TTC27: variants seen among roughly 807,000 people sequenced by gnomAD.
TTC27 encodes tetratricopeptide repeat protein 27.
A neutral mutation model predicts 115.9 loss-of-function variants in TTC27; 79 were observed. That is an observed-to-expected ratio of 0.68 (90% CI 0.57 to 0.82). The LOEUF is 0.82. Among genes scored for constraint, TTC27 ranks in the 40% least tolerant of loss-of-function variants. The pLI is 0.00. For missense variants in TTC27, 1,054 were observed against 993.1 expected (o/e 1.06, Z -0.82); for synonymous variants, 401 against 356.0 (o/e 1.13, Z -1.42).
At position 32,777,889 on chromosome 2, in the gene TTC27, T is replaced by G; in HGVS notation, c.1688T>G (p.Val563Gly). ...GACTTTTGGTCTTTGCAGCTCGGGG[T>G]GTGGTTTTCTCTCGGTTGTGCCTAT... Reference protein sequence around the residue: ...SVKINPMQLGVWFSLGCAYLA... With the variant: ...SVKINPMQLGGWFSLGCAYLA... Residue 563 changes from valine (V) to glycine (G), a missense_variant, in exon 14 of 20, where the codon GTG becomes GGG. Physicochemically the swap from Val to Gly is moderately radical, Grantham distance 109 (BLOSUM62 -3). Transcript: ENST00000317907. The G allele has an allele frequency of 6.2e-7, 1 of 1,614,068 alleles. No homozygotes were observed. The highest frequency in any genetic ancestry group is 1.1e-5 in the South Asian group (1 of 91,068).
At chr2:32,649,987 A>C in intron 4 of TTC27, 144 bp from the exon 5 acceptor site, 1 of 629,104 alleles carries the variant, frequency 1.6e-6, no homozygotes, top group African/African-American at 1.8e-5. Context: ...TGGTATTATT[A>C]CTGAAGAGAG....
chr2:32,703,287 T>G (rs1447173132), intron 10 of TTC27, among the ~76,000 whole-genome samples: 1 of 152,096 alleles, frequency 6.6e-6, no homozygotes, highest in Non-Finnish European at 1.5e-5. Flanking sequence ...GCCAACATGG[T>G]GAAACCCCGT....
At chr2:32,705,865 C>T (rs1174476942) in intron 10 of TTC27, among the ~76,000 whole-genome samples, 1 of 152,108 alleles carries the variant, frequency 6.6e-6, no homozygotes, top group African/African-American at 2.4e-5. Context: ...GATGTATCTT[C>T]TCTGCATAAG....
At chr2:32,810,601 AC>A (rs1196099555) in intron 16 of TTC27, among the ~76,000 whole-genome samples, 1 of 152,172 alleles carries the variant, frequency 6.6e-6, no homozygotes, top group Non-Finnish European at 1.5e-5. Context: ...TATTGGTGTA[AC>A]CTGTCTGGTA....
At chr2:32,638,305 A>T (rs916648993) in intron 3 of TTC27, among the ~76,000 whole-genome samples, 1 of 152,124 alleles carries the variant, frequency 6.6e-6, no homozygotes, top group Non-Finnish European at 1.5e-5. Flanking sequence ...TTATTCCTCT[A>T]TTACACTCTT....
rs369932938 is a variant in TTC27 at position 32,777,994 on chromosome 2, A to C, written c.1779+14A>C. Reference sequence around the variant, plus strand: ...CTAGAACCCGATGTAAGTTTGTTTGATCTTCTGTCCTTACGTGGCTCTTTA... The same window carrying C: ...CTAGAACCCGATGTAAGTTTGTTTGCTCTTCTGTCCTTACGTGGCTCTTTA... On this transcript the variant is annotated intron_variant, in intron 14 of 19. Transcript: ENST00000317907. 35 of 1,613,060 alleles carry C rather than the reference A, an allele frequency of 2.2e-5. No homozygotes were observed. Among genetic ancestry groups the C allele is most frequent in the African/African-American group, 5.3e-5 (4 of 74,828 alleles).
rs2151915492 is a variant in TTC27, at chr2:32,734,073, C to G, written c.1329+150C>G. The G allele has an allele frequency of 1.0e-5, 5 of 491,946 alleles. No homozygotes were observed. In the South Asian group the frequency reaches 2.1e-4, roughly 20 times the overall value. The allele number at this position is 491,946 out of a possible 1,614,324, so 30.5% of individuals were successfully genotyped here. On this transcript the variant is annotated intron_variant, in intron 11 of 19. Coordinates refer to ENST00000317907, the MANE Select transcript of TTC27 (RefSeq NM_017735.5). ...TCTGCCTGGGAATTGCTAACTACTTCAAATTGCTATTTTGATTAAAGTGAT... is the reference window on the plus strand; with the variant it reads ...TCTGCCTGGGAATTGCTAACTACTTGAAATTGCTATTTTGATTAAAGTGAT...
chr2:32,716,385 T>C (rs1164466752), intron 10 of TTC27, among the ~76,000 whole-genome samples: 1 of 152,222 alleles, frequency 6.6e-6, no homozygotes, highest in Non-Finnish European at 1.5e-5. Context: ...AAAAAATTAG[T>C]TCACTCAGGA....
chr2:32,758,962 G>T (rs781118722), intron 13 of TTC27, among the ~76,000 whole-genome samples: 1 of 151,996 alleles, frequency 6.6e-6, no homozygotes, highest in African/African-American at 2.4e-5. Flanking sequence ...TAAGAAAAAC[G>T]TGTATTTATA....
At chr2:32,653,660 T>G (rs944198600) in intron 5 of TTC27, among the ~76,000 whole-genome samples, 3 of 152,114 alleles carry the variant, frequency 2.0e-5, no homozygotes, top group African/African-American at 7.2e-5. Flanking sequence ...CGTTGATTTC[T>G]TTTCATAAAT....
intron 9 of TTC27, among the ~76,000 whole-genome samples, chr2:32,688,391 C>T (rs543876804): frequency 6.6e-6 from 1 of 152,072 alleles, no homozygotes; most frequent in Non-Finnish European, 1.5e-5. Context: ...GGACACTAAG[C>T]GCATGAACCA....
chr2:32,798,944 C>T (rs1670824333), intron 16 of TTC27, among the ~76,000 whole-genome samples: 1 of 152,152 alleles, frequency 6.6e-6, no homozygotes, highest in African/African-American at 2.4e-5. Context: ...TACTTACATT[C>T]ATAGCAGCAT....
At chr2:32,671,491 T>C (rs1328193996) in intron 7 of TTC27, among the ~76,000 whole-genome samples, 1 of 152,208 alleles carries the variant, frequency 6.6e-6, no homozygotes, top group Non-Finnish European at 1.5e-5. Flanking sequence ...TAGGTAGCTA[T>C]ATTGAAAATC....
chr2:32,702,293 G>A (rs62133869), intron 9 of TTC27, among the ~76,000 whole-genome samples: 1,664 of 151,876 alleles, frequency 0.011, 17 homozygotes, highest in Non-Finnish European at 0.017. Flanking sequence ...AATGATCACC[G>A]AGACAATATC....
chr2:32,683,406 G>C (rs539930766), intron 9 of TTC27, among the ~76,000 whole-genome samples: 15 of 152,326 alleles, frequency 9.8e-5, no homozygotes, highest in African/African-American at 3.6e-4. Context: ...TCTTGGTCCT[G>C]AATTTTGTTC....
At chr2:32,740,439 T>C (rs1668591164) in intron 12 of TTC27, among the ~76,000 whole-genome samples, 1 of 111,546 alleles carries the variant, frequency 9.0e-6, no homozygotes, top group South Asian at 3.7e-4. Flanking sequence ...GGTTTGGATT[T>C]CCTGTTTTGG....
chr2:32,736,769 T>A lies in TTC27; in HGVS notation c.1405T>A (p.Trp469Arg). 6.2e-7 allele frequency: 1 copy of A among 1,614,048 alleles called. No homozygotes were observed. Among genetic ancestry groups the A allele is most frequent in the South Asian group, 1.1e-5 (1 of 91,070 alleles). Residue 469 changes from tryptophan (W) to arginine (R), a missense_variant, in exon 12 of 20, where the codon TGG (tryptophan) becomes AGG (arginine). Physicochemically the swap from Trp to Arg is moderately radical, Grantham distance 101 (BLOSUM62 -3). Coordinates refer to ENST00000317907, the MANE Select transcript of TTC27 (RefSeq NM_017735.5). ...ALQIFEKLEM[W>R]EDVVICYERA... ...TCAGATATTTGAAAAGCTAGAAATG[T>A]GGGAAGATGTTGTCATTTGTTATGA...
In TTC27 at chr2:32,702,879, G is replaced by C. The variant is rs755361191; in HGVS notation, c.1192G>C (p.Gly398Arg). Reference sequence around the variant, plus strand: ...GATCCTCCGGACAAAACTTGAGAAAGGAAGTACTCGCCGAGTGGAACGGGC... The same window carrying C: ...GATCCTCCGGACAAAACTTGAGAAACGAAGTACTCGCCGAGTGGAACGGGC... ...ALILRTKLEK[G>R]STRRVERAMR... Residue 398 changes from glycine to arginine, a missense_variant, in exon 10 of 20, where the codon GGA (glycine) becomes CGA (arginine). Physicochemically the swap from Gly to Arg is moderately radical, Grantham distance 125. Coordinates refer to ENST00000317907, the MANE Select transcript of TTC27 (RefSeq NM_017735.5). 2 of 1,614,088 alleles carry C rather than the reference G, an allele frequency of 1.2e-6. No homozygotes were observed. Among genetic ancestry groups the C allele is most frequent in the South Asian group, 2.2e-5 (2 of 91,076 alleles).
intron 7 of TTC27, among the ~76,000 whole-genome samples, chr2:32,669,666 C>G (rs1254966988): frequency 1.3e-5 from 2 of 151,996 alleles, no homozygotes; most frequent in Non-Finnish European, 2.9e-5. Context: ...GGGAGGATCA[C>G]TTGAGGTCAG....
Sources: allele counts gnomAD v4.1 joint callset (sites outside exome capture counted in the v4.1 genomes callset), GRCh38; gene constraint gnomAD v4.1.1; transcripts MANE v1.5; gene names NCBI Gene and HGNC (gene_info 2026-07-23, HGNC 2026-07-21).